Variants in DERA observed in about 807,000 individuals in gnomAD.
DERA encodes the protein 2-deoxy-D-ribose 5-phosphate aldolase.
A neutral mutation model predicts 41.1 loss-of-function variants in DERA; 15 were observed. That is an observed-to-expected ratio of 0.37 (90% CI 0.24 to 0.56). The LOEUF is 0.56. Ranked by LOEUF, DERA falls within the 20% of genes least tolerant of loss-of-function variation. The probability of loss-of-function intolerance (pLI) is 0.81; values close to 1 mark genes in which losing one functional copy is unlikely to be tolerated. For synonymous variants in DERA, 139 were observed against 137.4 expected (o/e 1.01, Z -0.08); for missense variants, 396 against 403.4 (o/e 0.98, Z 0.16).
Position 15,959,426 on chromosome 12 carries a change from T to C in DERA, c.278-403T>C, listed in dbSNP as rs556801746. ...GGTACCACCCTCTAAATTGTACTTA[T>C]ATTTGTCTTCATCTGTCCTTCTTCA... is the stretch of plus-strand genomic sequence containing the variant. On this transcript the variant is annotated intron_variant, in intron 3 of 8. Transcript: ENST00000428559. This position sits in a 1 kb window ranked among gnomAD's most constrained non-coding sequence, Gnocchi z 4.5. 3.2e-4 allele frequency among the ~76,000 whole-genome samples: 49 copies of C among 152,352 alleles called. No homozygotes were observed. In the South Asian group the frequency reaches 8.3e-3, roughly 26 times the overall value.
intron 5 of DERA, among the ~76,000 whole-genome samples, chr12:15,974,588 T>G (rs1948685070): frequency 6.6e-6 from 1 of 152,230 alleles, no homozygotes; most frequent in Non-Finnish European, 1.5e-5. Flanking sequence ...GTTCCTTTTT[T>G]TACTTGGCAA....
intron 7 of DERA, among the ~76,000 whole-genome samples, chr12:16,034,840 A>G (rs1949116381): frequency 6.6e-6 from 1 of 152,210 alleles, no homozygotes; most frequent in Admixed American, 6.5e-5. Context: ...GGAAATCTGT[A>G]AGAAGCACTG....
chr12:15,914,393 TAAAAAA>T (rs1185673228), intron 1 of DERA, among the ~76,000 whole-genome samples: 2 of 55,024 alleles, frequency 3.6e-5, no homozygotes, highest in African/African-American at 6.0e-5. Flanking sequence ...TCAAAAAAGA[TAAAAAA>T]AAAAAAAAAA....
intron 5 of DERA, among the ~76,000 whole-genome samples, chr12:15,968,041 A>G (rs1414891117): frequency 1.3e-5 from 2 of 150,364 alleles, no homozygotes; most frequent in African/African-American, 2.4e-5. Flanking sequence ...CACCAGTCCC[A>G]TGTCCTTATT....
rs78564738 is a variant in DERA at position 15,918,459 on chromosome 12, G to A, written c.31+7045G>A. Reference sequence around the variant, plus strand: ...ATAGTGGTGCCCCCATTTCAACCCGGCTTGAATGACTACGTTGTTCACCTC... The same window carrying A: ...ATAGTGGTGCCCCCATTTCAACCCGACTTGAATGACTACGTTGTTCACCTC... On this transcript the variant is annotated intron_variant, in intron 1 of 8. Coordinates refer to ENST00000428559, the MANE Select transcript of DERA (RefSeq NM_015954.4). This position sits in a 1 kb window ranked among gnomAD's most constrained non-coding sequence, Gnocchi z 4.3. Among the ~76,000 whole-genome samples, 1,080 of 152,238 alleles carry A rather than the reference G, an allele frequency of 7.1e-3. 14 individuals are homozygous for A. Among genetic ancestry groups the A allele is most frequent in the African/African-American group, 0.024 (1,014 of 41,540 alleles).
At position 15,943,299 on chromosome 12, in the gene DERA, A is replaced by C. The variant is rs990194120; in HGVS notation, c.32-13637A>C. 2.6e-5 allele frequency among the ~76,000 whole-genome samples: 4 copies of C among 152,214 alleles called. No individual in the cohort carries two copies. The highest frequency in any genetic ancestry group is 7.2e-5 in the African/African-American group (3 of 41,462). On this transcript the variant is annotated intron_variant, in intron 1 of 8. Coordinates refer to ENST00000428559, the MANE Select transcript of DERA (RefSeq NM_015954.4). This position sits in a 1 kb window ranked among gnomAD's most constrained non-coding sequence, Gnocchi z 4.5. ...AACGCAGAGTAGAAAAGCAATAGTC[A>C]GTTGATTGATGAGATTTTGACCCCC...
rs560892912 is a variant in DERA at position 16,021,442 on chromosome 12, G to A, written c.638-11100G>A. On this transcript the variant is annotated intron_variant, in intron 6 of 8. Transcript: ENST00000428559. The surrounding 1 kb of genome is among the most constrained non-coding windows in gnomAD (Gnocchi z 5.3). ...CTTCCATGTAGATTTCAGAGGATGT[G>A]TCAGAAAGACTGGGTACCCAGGCAG... 6.6e-5 allele frequency among the ~76,000 whole-genome samples: 10 copies of A among 152,358 alleles called. No homozygotes were observed. The highest frequency in any genetic ancestry group is 2.4e-4 in the African/African-American group (10 of 41,588).
At chr12:16,005,624 A>T (rs964483846) in intron 6 of DERA, among the ~76,000 whole-genome samples, 1 of 152,212 alleles carries the variant, frequency 6.6e-6, no homozygotes, top group East Asian at 1.9e-4. Flanking sequence ...GGAATGCTGC[A>T]TGAATATACC....
intron 6 of DERA, among the ~76,000 whole-genome samples, chr12:16,024,683 G>A (rs375163891): frequency 2.7e-4 from 41 of 150,736 alleles, no homozygotes; most frequent in African/African-American, 8.7e-4. Context: ...CTCTTATTAC[G>A]CTGTAATCCA....
At position 15,954,486 on chromosome 12, in the gene DERA, C is replaced by G. The variant is rs757217544; in HGVS notation, c.32-2450C>G. Among the ~76,000 whole-genome samples, 1 of 152,150 alleles carries G rather than the reference C, an allele frequency of 6.6e-6. No individual in the cohort carries two copies. The highest frequency in any genetic ancestry group is 1.9e-4 in the East Asian group (1 of 5,190). On this transcript the variant is annotated intron_variant, in intron 1 of 8. Transcript: ENST00000428559. This position sits in a 1 kb window ranked among gnomAD's most constrained non-coding sequence, Gnocchi z 4.0. Reference sequence around the variant, plus strand: ...AGAGAAGGTGACATTTGAATCGACTCTTAAAGGATGAGCAGCAGTTCACTG... The same window carrying G: ...AGAGAAGGTGACATTTGAATCGACTGTTAAAGGATGAGCAGCAGTTCACTG...
chr12:15,993,731 TTCAG>T lies in DERA; in HGVS notation c.637+11296_637+11299del. ...GTCTCATCCATGGAATAGATTTAAATTCAGGTCCCCAAGCAAAAATTTTATAAAG... is the reference window on the plus strand; with the variant it reads ...GTCTCATCCATGGAATAGATTTAAATGTCCCCAAGCAAAAATTTTATAAAG... On this transcript the variant is annotated intron_variant, in intron 6 of 8. Coordinates refer to ENST00000428559, the MANE Select transcript of DERA (RefSeq NM_015954.4). The surrounding 1 kb of genome is among the most constrained non-coding windows in gnomAD (Gnocchi z 4.4). Among the ~76,000 whole-genome samples, 1 of 152,274 alleles carries T rather than the reference TTCAG, an allele frequency of 6.6e-6. No individual in the cohort carries two copies. Among genetic ancestry groups the T allele is most frequent in the Non-Finnish European group, 1.5e-5 (1 of 68,022 alleles).
chr12:16,025,291 A>G (rs1311532315), intron 6 of DERA, among the ~76,000 whole-genome samples: 1 of 152,154 alleles, frequency 6.6e-6, no homozygotes, highest in Non-Finnish European at 1.5e-5. Context: ...AGATCCTACT[A>G]TATGTTGTCT....
In DERA at chr12:15,941,314, G is replaced by A. The variant is rs1005001834; in HGVS notation, c.32-15622G>A. 2.0e-5 allele frequency among the ~76,000 whole-genome samples: 3 copies of A among 152,192 alleles called. No individual in the cohort carries two copies. The highest frequency in any genetic ancestry group is 2.1e-4 in the South Asian group (1 of 4,836). On this transcript the variant is annotated intron_variant, in intron 1 of 8. Coordinates refer to ENST00000428559, the MANE Select transcript of DERA (RefSeq NM_015954.4). This position sits in a 1 kb window ranked among gnomAD's most constrained non-coding sequence, Gnocchi z 4.5. Reference sequence around the variant, plus strand: ...AAATGGGTATAACAGAGACACAACAGTGTTGAATACTTCTCCTACTGCCAC... The same window carrying A: ...AAATGGGTATAACAGAGACACAACAATGTTGAATACTTCTCCTACTGCCAC...
chr12:16,012,902 A>T lies in DERA; in HGVS notation c.638-19640A>T, dbSNP rs1408923772. On this transcript the variant is annotated intron_variant, in intron 6 of 8. Transcript: ENST00000428559. The surrounding 1 kb of genome is among the most constrained non-coding windows in gnomAD (Gnocchi z 4.1). Reference sequence around the variant, plus strand: ...CATTTTAATGTGTAGTGAATATAAAAATTATTGAGATTTATTACATTGTAT... The same window carrying T: ...CATTTTAATGTGTAGTGAATATAAATATTATTGAGATTTATTACATTGTAT... 1.3e-5 allele frequency among the ~76,000 whole-genome samples: 2 copies of T among 152,242 alleles called. No individual in the cohort carries two copies. Among genetic ancestry groups the T allele is most frequent in the East Asian group, 3.8e-4 (2 of 5,202 alleles).
intron 6 of DERA, among the ~76,000 whole-genome samples, chr12:16,022,145 A>G (rs528878762): frequency 2.0e-5 from 3 of 152,336 alleles, no homozygotes; most frequent in East Asian, 1.9e-4. Flanking sequence ...TGTTTGGATC[A>G]TGGTAGTAGA....
chr12:15,962,904 C>A lies in DERA; in HGVS notation c.465C>A (p.Asp155Glu), dbSNP rs372137839. The part of the protein sequence containing the change: ...LAVEDGATEI[D>E]VVINRSLVLT... The stretch of plus-strand genomic sequence containing the variant: ...TGGAAGATGGAGCTACAGAAATCGA[C>A]GTGGTAATTAACAGAAGCTTGGTGC... Residue 155 changes from aspartate to glutamate, a missense_variant, in exon 5 of 9, where the codon GAC becomes GAA. By Grantham distance (45) the Asp-to-Glu change is conservative. Coordinates refer to ENST00000428559, the MANE Select transcript of DERA (RefSeq NM_015954.4). 5.6e-6 allele frequency: 9 copies of A among 1,600,998 alleles called. No homozygotes were observed. Among genetic ancestry groups the A allele is most frequent in the African/African-American group, 1.3e-5 (1 of 74,936 alleles).
rs1010150762 is a variant in DERA at position 16,012,340 on chromosome 12, C to G, written c.638-20202C>G. On this transcript the variant is annotated intron_variant, in intron 6 of 8. Coordinates refer to ENST00000428559, the MANE Select transcript of DERA (RefSeq NM_015954.4). The surrounding 1 kb of genome is among the most constrained non-coding windows in gnomAD (Gnocchi z 4.1). ...GCCAGCTGGGCAGTTTCCCAGTGTG[C>G]TAATCTCTAAGAGACATTGAAACCA... 1.3e-5 allele frequency among the ~76,000 whole-genome samples: 2 copies of G among 152,194 alleles called. No homozygotes were observed. Among genetic ancestry groups the G allele is most frequent in the African/African-American group, 4.8e-5 (2 of 41,448 alleles).
rs549852202 is a variant in DERA at position 16,020,817 on chromosome 12, A to G, written c.638-11725A>G. Among the ~76,000 whole-genome samples, 2 of 152,332 alleles carry G rather than the reference A, an allele frequency of 1.3e-5. No individual in the cohort carries two copies. The highest frequency in any genetic ancestry group is 1.9e-4 in the East Asian group (1 of 5,182). ...TCCTAGTAAAGAACTTGGCTGCATT[A>G]TGTTCATGCCCTAGGGATCTGAGGA... On this transcript the variant is annotated intron_variant, in intron 6 of 8. Transcript: ENST00000428559. The surrounding 1 kb of genome is among the most constrained non-coding windows in gnomAD (Gnocchi z 5.5).
chr12:15,917,762 T>C (rs1444486390), intron 1 of DERA, among the ~76,000 whole-genome samples: 1 of 152,088 alleles, frequency 6.6e-6, no homozygotes, highest in Non-Finnish European at 1.5e-5. Flanking sequence ...TAGGGGTGGG[T>C]GTTTCAACAA....
Sources: allele counts gnomAD v4.1 joint callset (sites outside exome capture counted in the v4.1 genomes callset), GRCh38; gene constraint gnomAD v4.1.1; non-coding constraint Gnocchi (gnomAD v3.1); transcripts MANE v1.5; gene names NCBI Gene and HGNC (gene_info 2026-07-23, HGNC 2026-07-21).